Variants in S100A10 observed in about 807,000 individuals in gnomAD.
S100A10 encodes the protein protein S100-A10.
In S100A10, 3 loss-of-function variants were observed where a neutral mutation model predicts 7.1. The ratio of observed to expected loss-of-function variants is 0.42; its 90% CI spans 0.19 to 1.10. S100A10 has a LOEUF of 1.10. S100A10 is among the 50% of genes least tolerant of loss of function. The pLI is 0.29. For synonymous variants in S100A10, 41 were observed against 39.3 expected (o/e 1.04, Z -0.16); for missense variants, 101 against 118.1 (o/e 0.86, Z 0.67).
intron 2 of S100A10, among the ~76,000 whole-genome samples, chr1:151,983,684 G>A (rs1170817544): frequency 6.6e-6 from 1 of 152,156 alleles, no homozygotes; most frequent in Admixed American, 6.5e-5. Flanking sequence ...TTGGATCACT[G>A]TCCTATGGAT....
At chr1:151,984,243 A>G (rs550545286) in intron 2 of S100A10, 41 of 152,332 alleles carry the variant, frequency 2.7e-4, no homozygotes, top group African/African-American at 8.2e-4. Flanking sequence ...GACTATATTC[A>G]TGAGTGAGGA....
chr1:151,984,640 A>G (rs752755092), intron 2 of S100A10, among the ~76,000 whole-genome samples: 13 of 152,210 alleles, frequency 8.5e-5, no homozygotes, highest in Non-Finnish European at 1.6e-4. Flanking sequence ...TGTGTCTTAC[A>G]TGATACTCAC....
At chr1:151,991,298 C>T (rs12143837) in intron 1 of S100A10, among the ~76,000 whole-genome samples, 241 of 152,306 alleles carry the variant, frequency 1.6e-3, no homozygotes, top group Non-Finnish European at 2.1e-3. Context: ...GGCTGTCTCT[C>T]TCACCTCTCA....
intron 1 of S100A10, among the ~76,000 whole-genome samples, chr1:151,987,477 G>A (rs1407165807): frequency 6.6e-6 from 1 of 151,366 alleles, no homozygotes; most frequent in East Asian, 1.9e-4. Flanking sequence ...TTGGTTCAGT[G>A]TGATTCTAGG....
chr1:151,987,089 T>A (rs974023332), intron 1 of S100A10, among the ~76,000 whole-genome samples: 4 of 124,334 alleles, frequency 3.2e-5, no homozygotes, highest in Admixed American at 2.3e-4. Context: ...CAGGCTGGAG[T>A]GCAGTGTTGT....
At position 151,986,184 on chromosome 1, in the gene S100A10, A is replaced by G; in HGVS notation, c.47T>C (p.Phe16Ser). 2.5e-6 allele frequency: 4 copies of G among 1,610,090 alleles called. No homozygotes were observed. Among genetic ancestry groups the G allele is most frequent in the Non-Finnish European group, 3.4e-6 (4 of 1,178,816 alleles). ...EHAMETMMFT[F>S]HKFAGDKGYL... ...GCCTTTATCCCCAGCGAATTTGTGA[A>G]ATGTAAACATCATGGTTTCCATGGC... The change falls in exon 2 of 3, where the codon TTT (phenylalanine) becomes TCT (serine). Residue 16 changes from phenylalanine (F) to serine (S), a missense_variant. Physicochemically the swap from Phe to Ser is radical, Grantham distance 155. Transcript: ENST00000368811.
At chr1:151,992,253 G>A (rs951758145) in intron 1 of S100A10, among the ~76,000 whole-genome samples, 2 of 152,186 alleles carry the variant, frequency 1.3e-5, no homozygotes, top group African/African-American at 4.8e-5. Context: ...GTGTTTCCAT[G>A]AGCCTGGCCT....
rs181825701 is a variant in S100A10 at position 151,985,012 on chromosome 1, A to G, written c.132+1087T>C. 2.7e-3 allele frequency: 406 copies of G among 152,510 alleles called. 2 individuals are homozygous for G. Among genetic ancestry groups the G allele is most frequent in the African/African-American group, 9.5e-3 (396 of 41,574 alleles). 9.4% of individuals were successfully genotyped at this position (152,510 alleles called of 1,614,324 possible). A position where few individuals can be genotyped will look rare whatever the true frequency, so the allele number is the denominator to read the frequency against. Reference sequence around the variant, plus strand: ...TAACTGCAGCTCTGAGAGAGCAGTTAGGCTATTTATATCTGTTTATTTAAC... The same window carrying G: ...TAACTGCAGCTCTGAGAGAGCAGTTGGGCTATTTATATCTGTTTATTTAAC... On this transcript the variant is annotated intron_variant, in intron 2 of 2. Transcript: ENST00000368811.
intron 1 of S100A10, among the ~76,000 whole-genome samples, chr1:151,987,317 A>G (rs1655814048): frequency 6.6e-6 from 1 of 150,734 alleles, no homozygotes; most frequent in South Asian, 2.1e-4. Context: ...CCTCTTTTTA[A>G]CTGACAAAGC....
In S100A10 at chr1:151,992,846, G is replaced by A. The variant is rs549003916; in HGVS notation, c.-22+906C>T. On this transcript the variant is annotated intron_variant, in intron 1 of 2. Transcript: ENST00000368811. ...CCCCAGCCAACAAGGCAGAGCTCCT[G>A]GTTTCACTTAGGCAGAGCTGGACTG... Among the ~76,000 whole-genome samples, 33 of 149,908 alleles carry A rather than the reference G, an allele frequency of 2.2e-4. No individual in the cohort carries two copies. In the Middle Eastern group the frequency reaches 0.014, roughly 62 times the overall value.
chr1:151,985,429 T>C (rs1020972905), intron 2 of S100A10: 1 of 152,240 alleles, frequency 6.6e-6, no homozygotes, highest in African/African-American at 2.4e-5. Flanking sequence ...TCTTCATGCA[T>C]CTCTCAGTCT....
At position 151,986,263 on chromosome 1, in the gene S100A10, T is replaced by C. The variant is rs1364296338; in HGVS notation, c.-21-12A>G. 1.3e-6 allele frequency: 2 copies of C among 1,565,408 alleles called. No homozygotes were observed. The highest frequency in any genetic ancestry group is 8.6e-7 in the Non-Finnish European group (1 of 1,160,480). On this transcript the variant is annotated splice_polypyrimidine_tract_variant and intron_variant, in intron 1 of 2. Coordinates refer to ENST00000368811, the MANE Select transcript of S100A10 (RefSeq NM_002966.3). ...TGGTCCGTTGAAGCCTATTAAAGGA[T>C]GTAAAGTAACAGGGTCTACATTAAC... is the stretch of plus-strand genomic sequence containing the variant.
rs572321225 is a variant in S100A10 at position 151,988,861 on chromosome 1, G to A, written c.-21-2610C>T. On this transcript the variant is annotated intron_variant, in intron 1 of 2. Transcript: ENST00000368811. ...ACTGAACTGGGCGAGTCACCTCTGG[G>A]AGAAGGACGTGGGATCCCACCCCAG... Among the ~76,000 whole-genome samples, 3 of 152,278 alleles carry A rather than the reference G, an allele frequency of 2.0e-5. No individual in the cohort carries two copies. The East Asian group carries it at 5.8e-4, about 29-fold the overall frequency.
At chr1:151,987,134 A>C (rs1042835581) in intron 1 of S100A10, among the ~76,000 whole-genome samples, 3 of 135,410 alleles carry the variant, frequency 2.2e-5, no homozygotes, top group Non-Finnish European at 4.6e-5. Flanking sequence ...CCTCCCAGGT[A>C]GCTGGGATTA....
intron 1 of S100A10, among the ~76,000 whole-genome samples, chr1:151,989,841 C>T (rs997514102): frequency 6.6e-6 from 1 of 152,204 alleles, no homozygotes; most frequent in Middle Eastern, 3.2e-3. Flanking sequence ...CAGATGTGGG[C>T]TTCCTGCATC....
intron 2 of S100A10, 103 bp downstream of exon 2, chr1:151,985,996 G>T (rs1655780919): frequency 1.1e-6 from 1 of 913,236 alleles, no homozygotes; most frequent in South Asian, 2.1e-5. Flanking sequence ...ATTCACTAGT[G>T]GTGACCTCCA....
chr1:151,983,400 G>A, intron 2 of S100A10, 76 bp from the exon 3 acceptor site: 1 of 942,446 alleles, frequency 1.1e-6, no homozygotes. Flanking sequence ...TTGTACTGCT[G>A]AGAACTGTGT....
intron 2 of S100A10, among the ~76,000 whole-genome samples, chr1:151,985,813 A>G (rs1198868376): frequency 6.6e-6 from 1 of 152,198 alleles, no homozygotes; most frequent in East Asian, 1.9e-4. Context: ...TATTGTGGTT[A>G]TTTGTATGCA....
At chr1:151,987,114 G>A (rs1209078159) in intron 1 of S100A10, among the ~76,000 whole-genome samples, 2 of 123,762 alleles carry the variant, frequency 1.6e-5, no homozygotes, top group Non-Finnish European at 3.1e-5. Flanking sequence ...TTGGCTCACT[G>A]CAACCTCCGC....
Sources: gnomAD v4.1 joint callset for allele counts (sites outside exome capture counted in the v4.1 genomes callset) on GRCh38, gnomAD v4.1.1 for gene constraint, MANE v1.5 for transcripts, NCBI Gene and HGNC (gene_info 2026-07-23, HGNC 2026-07-21) for gene names.